Variants in CACNG6 observed in about 807,000 individuals in gnomAD.
The protein encoded by CACNG6 is voltage-dependent calcium channel gamma-6 subunit.
In CACNG6, 21 loss-of-function variants were observed where a neutral mutation model predicts 23.9. The observed-to-expected ratio is 0.88, with a 90% CI of 0.62 to 1.26. CACNG6 has a LOEUF of 1.26. Among genes scored for constraint, CACNG6 ranks in the 50% most tolerant of loss-of-function variants. The pLI is 0.00. For missense variants in CACNG6, 340 were observed against 352.9 expected (o/e 0.96, Z 0.29); for synonymous variants, 182 against 168.9 (o/e 1.08, Z -0.60).
At chr19:53,994,505 GGAT>G (rs939218886) in intron 1 of CACNG6, among the ~76,000 whole-genome samples, 4 of 152,080 alleles carry the variant, frequency 2.6e-5, no homozygotes, top group African/African-American at 9.7e-5. Context: ...CTTGGGAACT[GGAT>G]GAAATCTCCT....
chr19:53,995,026 T>C (rs1337520716), intron 1 of CACNG6, among the ~76,000 whole-genome samples: 3 of 152,108 alleles, frequency 2.0e-5, no homozygotes, highest in Non-Finnish European at 4.4e-5. Flanking sequence ...TGAGTCGTTA[T>C]TATCACTCCC....
rs2069472228 is a variant in CACNG6, at chr19:53,992,542, T to A, written c.-336T>A. ...TGGAGCTCTTGGGGGGACTCCCTCC[T>A]GGGAAGCCGAATTCTATCTCTAAAC... is the stretch of plus-strand genomic sequence containing the variant. On this transcript the variant is annotated 5_prime_UTR_variant, in exon 1 of 4. Coordinates refer to ENST00000252729, the MANE Select transcript of CACNG6 (RefSeq NM_145814.2). The surrounding 1 kb of genome is among the most constrained non-coding windows in gnomAD (Gnocchi z 4.1). The A allele has an allele frequency of 5.2e-6, 1 of 193,560 alleles. No individual in the cohort carries two copies. The highest frequency in any genetic ancestry group is 2.3e-5 in the African/African-American group (1 of 42,966). The allele number at this position is 193,560 out of a possible 1,614,324, so 12.0% of individuals were successfully genotyped here. A position where few individuals can be genotyped will look rare whatever the true frequency, so the allele number is the denominator to read the frequency against.
At position 53,992,968 on chromosome 19, in the gene CACNG6, C is replaced by G; in HGVS notation, c.91C>G (p.Leu31Val). 1 of 1,434,618 alleles carries G rather than the reference C, an allele frequency of 7.0e-7. No homozygotes were observed. The highest frequency in any genetic ancestry group is 1.5e-5 in the African/African-American group (1 of 66,866). The allele number at this position is 1,434,618 out of a possible 1,614,324, so 88.9% of individuals were successfully genotyped here. A position where few individuals can be genotyped will look rare whatever the true frequency, so the allele number is the denominator to read the frequency against. Residue 31 changes from leucine (L) to valine (V), a missense_variant, in exon 1 of 4, where the codon CTG (leucine) becomes GTG (valine). Physicochemically the swap from Leu to Val is conservative, Grantham distance 32 (BLOSUM62 1). Transcript: ENST00000252729. This position sits in a 1 kb window ranked among gnomAD's most constrained non-coding sequence, Gnocchi z 4.1. ...RRAHGQGRSG[L>V]TPEREGKVKL... ...GGCGCACGGGCAGGGCAGGTCGGGG[C>G]TGACGCCCGAGCGCGAGGGGAAGGT...
intron 1 of CACNG6, among the ~76,000 whole-genome samples, chr19:53,996,591 C>A (rs779757956): frequency 2.6e-5 from 4 of 152,004 alleles, no homozygotes; most frequent in African/African-American, 4.8e-5. Flanking sequence ...TGGGGTTTCA[C>A]CATATTGACA....
intron 1 of CACNG6, among the ~76,000 whole-genome samples, chr19:53,994,147 G>A (rs964425637): frequency 1.3e-5 from 2 of 152,162 alleles, no homozygotes; most frequent in African/African-American, 2.4e-5. Context: ...GACAGCTTGC[G>A]CTCCCATCCT....
Position 53,992,992 on chromosome 19 carries a change from G to A in CACNG6, c.115G>A (p.Val39Met). ...SGLTPEREGK[V>M]KLALLLAAVG... ...GCTGACGCCCGAGCGCGAGGGGAAGGTGAAGCTGGCGCTGCTGCTGGCCGC... is the reference window on the plus strand; with the variant it reads ...GCTGACGCCCGAGCGCGAGGGGAAGATGAAGCTGGCGCTGCTGCTGGCCGC... The change falls in exon 1 of 4, where the codon GTG (valine) becomes ATG (methionine). Residue 39 changes from valine to methionine, a missense_variant. Coordinates refer to ENST00000252729, the MANE Select transcript of CACNG6 (RefSeq NM_145814.2). This position sits in a 1 kb window ranked among gnomAD's most constrained non-coding sequence, Gnocchi z 4.1. The A allele has an allele frequency of 6.9e-7, 1 of 1,447,506 alleles. No homozygotes were observed. Among genetic ancestry groups the A allele is most frequent in the Non-Finnish European group, 9.1e-7 (1 of 1,102,014 alleles). 89.7% of individuals were successfully genotyped at this position (1,447,506 alleles called of 1,614,324 possible).
At chr19:54,006,526 T>TC (rs1222879445) in intron 3 of CACNG6, among the ~76,000 whole-genome samples, 2 of 132,090 alleles carry the variant, frequency 1.5e-5, no homozygotes, top group African/African-American at 3.1e-5. Flanking sequence ...TCTTTTCTTT[T>TC]TTTTTTTTTT....
In CACNG6 at chr19:53,993,114, CCACCTGGGGCTGTGGAAGGCGTG is replaced by C; in HGVS notation, c.242_264del (p.Leu81GlnfsTer30). 1 of 1,547,056 alleles carries C rather than the reference CCACCTGGGGCTGTGGAAGGCGTG, an allele frequency of 6.5e-7. No homozygotes were observed. The highest frequency in any genetic ancestry group is 8.7e-7 in the Non-Finnish European group (1 of 1,145,458). Reference sequence around the variant, plus strand: ...ACGGCAGCGCCGTGTGCGAAGCGGCCCACCTGGGGCTGTGGAAGGCGTGCACCAAGCGGCTGTGGCAGGCGGAC... The same window carrying C: ...ACGGCAGCGCCGTGTGCGAAGCGGCCCACCAAGCGGCTGTGGCAGGCGGAC... On this transcript the variant is annotated frameshift_variant, in exon 1 of 4. Transcript: ENST00000252729. LOFTEE classifies it high-confidence loss of function.
rs1451303866 is a variant in CACNG6 at position 54,012,026 on chromosome 19, C to CT, written c.621dup (p.Pro208SerfsTer62). ...CTGCTGCAGAGAGTCAGCCCGGAGC[C>CT]TCCCCCGGCCCCACGCCTCACCTAC... On this transcript the variant is annotated frameshift_variant, in exon 4 of 4. Coordinates refer to ENST00000252729, the MANE Select transcript of CACNG6 (RefSeq NM_145814.2). LOFTEE classifies it high-confidence loss of function. 6.2e-7 allele frequency: 1 copy of CT among 1,606,172 alleles called. No homozygotes were observed. The highest frequency in any genetic ancestry group is 2.3e-5 in the East Asian group (1 of 43,690).
rs905402727 is a variant in CACNG6, at chr19:53,993,100, G to A, written c.223G>A (p.Val75Met). ...CACCTACAAGGCCAACGGCAGCGCC[G>A]TGTGCGAAGCGGCCCACCTGGGGCT... ...LNTYKANGSA[V>M]CEAAHLGLWK... The change falls in exon 1 of 4, where the codon GTG (valine) becomes ATG (methionine). Residue 75 changes from valine (V) to methionine (M), a missense_variant. Transcript: ENST00000252729. The A allele has an allele frequency of 3.9e-6, 6 of 1,546,644 alleles. No homozygotes were observed. Among genetic ancestry groups the A allele is most frequent in the Non-Finnish European group, 5.2e-6 (6 of 1,145,172 alleles).
rs2069725362 is a variant in CACNG6, at chr19:54,012,169, C to CG, written c.768dup (p.His257AlafsTer13). The stretch of plus-strand genomic sequence containing the variant: ...GCCCTGGGGGTCCCTCTGTCCCAAG[C>CG]GGGGGCACCGGGCCACCTAGAGCCA... On this transcript the variant is annotated frameshift_variant, in exon 4 of 4. Transcript: ENST00000252729. LOFTEE classifies it high-confidence loss of function. The CG allele has an allele frequency of 2.8e-6, 4 of 1,429,398 alleles. No individual in the cohort carries two copies. The highest frequency in any genetic ancestry group is 2.9e-5 in the South Asian group (2 of 68,390). The allele number at this position is 1,429,398 out of a possible 1,614,324, so 88.5% of individuals were successfully genotyped here. A position where few individuals can be genotyped will look rare whatever the true frequency, so the allele number is the denominator to read the frequency against.
At chr19:53,996,415 T>C (rs997916876) in intron 1 of CACNG6, among the ~76,000 whole-genome samples, 4 of 148,998 alleles carry the variant, frequency 2.7e-5, no homozygotes, top group East Asian at 2.0e-4. Flanking sequence ...TTTTTTGAGA[T>C]GTAGTCTTGC....
intron 1 of CACNG6, among the ~76,000 whole-genome samples, chr19:53,994,683 G>A (rs912711282): frequency 2.0e-5 from 3 of 152,084 alleles, no homozygotes; most frequent in East Asian, 3.9e-4. Flanking sequence ...TCTGGGCTCC[G>A]TATGAGATTT....
At chr19:54,006,343 G>C (rs944433413) in intron 3 of CACNG6, among the ~76,000 whole-genome samples, 3 of 151,562 alleles carry the variant, frequency 2.0e-5, no homozygotes, top group African/African-American at 7.2e-5. Context: ...GGGTGGCTGT[G>C]GTACAACAGA....
intron 3 of CACNG6, among the ~76,000 whole-genome samples, chr19:54,010,040 CT>C (rs34229634): frequency 8.2e-4 from 103 of 125,340 alleles, no homozygotes; most frequent in Admixed American, 1.1e-3. Flanking sequence ...TCTTTTCTTT[CT>C]TTTTTTTTTT....
At chr19:54,002,267 G>GGTTT (rs1555818477) in intron 3 of CACNG6, among the ~76,000 whole-genome samples, 1 of 131,932 alleles carries the variant, frequency 7.6e-6, no homozygotes, top group African/African-American at 3.3e-5. Flanking sequence ...CTAATTTTCG[G>GGTTT]TTTTTTTGTT....
chr19:54,012,362 C>T lies in CACNG6; in HGVS notation c.*173C>T. The T allele has an allele frequency of 2.3e-6, 1 of 427,830 alleles. No individual in the cohort carries two copies. Among genetic ancestry groups the T allele is most frequent in the Non-Finnish European group, 4.1e-6 (1 of 241,042 alleles). The allele number at this position is 427,830 out of a possible 1,614,324, so 26.5% of individuals were successfully genotyped here. A position where few individuals can be genotyped will look rare whatever the true frequency, so the allele number is the denominator to read the frequency against. The stretch of plus-strand genomic sequence containing the variant: ...CTTATCCTTTCTCCCTCTGTAAATA[C>T]GTTTTTCTCTGTGGCTGTATGTGGG... On this transcript the variant is annotated 3_prime_UTR_variant, in exon 4 of 4. Coordinates refer to ENST00000252729, the MANE Select transcript of CACNG6 (RefSeq NM_145814.2).
At chr19:54,003,264 T>C (rs2069598593) in intron 3 of CACNG6, among the ~76,000 whole-genome samples, 1 of 152,160 alleles carries the variant, frequency 6.6e-6, no homozygotes, top group African/African-American at 2.4e-5. Flanking sequence ...TCTGGTGCAT[T>C]GAAAGTCCTG....
intron 3 of CACNG6, among the ~76,000 whole-genome samples, chr19:54,009,434 A>T (rs138543937): frequency 0.035 from 4,708 of 136,164 alleles, 282 homozygotes; most frequent in African/African-American, 0.12. Flanking sequence ...TGGGCAACAG[A>T]GTGAGACTCC....
Sources: gnomAD v4.1 joint callset for allele counts (sites outside exome capture counted in the v4.1 genomes callset) on GRCh38, gnomAD v4.1.1 for gene constraint, Gnocchi (gnomAD v3.1) non-coding constraint, MANE v1.5 for transcripts, NCBI Gene and HGNC (gene_info 2026-07-23, HGNC 2026-07-21) for gene names.